BBS9: variants seen among roughly 807,000 people sequenced by gnomAD.
BBS9 encodes Bardet-Biedl syndrome 9, also known as protein PTHB1.
Under a neutral mutation model 117.7 loss-of-function variants are expected in BBS9, and 89 were observed. That is an observed-to-expected ratio of 0.76 (90% CI 0.64 to 0.90). The LOEUF is 0.90. Among genes scored for constraint, BBS9 ranks in the 40% least tolerant of loss-of-function variants. BBS9 has a pLI of 0.00. For missense variants in BBS9, 982 were observed against 1,042.2 expected (o/e 0.94, Z 0.80); for synonymous variants, 379 against 370.9 (o/e 1.02, Z -0.25).
chr7:33,212,724 CT>C (rs1356773721), intron 5 of BBS9, among the ~76,000 whole-genome samples: 2 of 152,194 alleles, frequency 1.3e-5, no homozygotes, highest in Admixed American at 1.3e-4. Context: ...GGGACTTCAG[CT>C]CCAAGCACAA....
rs573425450 is a variant in BBS9 at position 33,433,853 on chromosome 7, A to C, written c.2115+45709A>C. Among the ~76,000 whole-genome samples, 15 of 152,230 alleles carry C rather than the reference A, an allele frequency of 9.9e-5. No individual in the cohort carries two copies. The South Asian group carries it at 3.1e-3, about 32-fold the overall frequency. On this transcript the variant is annotated intron_variant, in intron 19 of 22. Coordinates refer to ENST00000242067, the MANE Select transcript of BBS9 (RefSeq NM_198428.3). The stretch of plus-strand genomic sequence containing the variant: ...AATGTGTAAAACTTAGAACTGTATA[A>C]GTAGGGAAATAAATTCATCTGTATT...
intron 21 of BBS9, among the ~76,000 whole-genome samples, chr7:33,620,604 G>GA (rs901959757): frequency 4.0e-5 from 6 of 151,866 alleles, no homozygotes; most frequent in African/African-American, 1.4e-4. Flanking sequence ...AAACACAAAT[G>GA]AAAAAATATC....
At chr7:33,468,146 A>G (rs1840455122) in intron 19 of BBS9, among the ~76,000 whole-genome samples, 1 of 152,140 alleles carries the variant, frequency 6.6e-6, no homozygotes, top group Non-Finnish European at 1.5e-5. Context: ...ATGAAAAGAG[A>G]GAGATCGGGG....
At chr7:33,520,783 G>A (rs1321076791) in intron 20 of BBS9, among the ~76,000 whole-genome samples, 2 of 152,180 alleles carry the variant, frequency 1.3e-5, no homozygotes, top group Non-Finnish European at 2.9e-5. Flanking sequence ...TAAACTCAGG[G>A]TTCGTCTTTC....
At chr7:33,131,372 A>G (rs1220884080) in intron 1 of BBS9, among the ~76,000 whole-genome samples, 3 of 152,234 alleles carry the variant, frequency 2.0e-5, no homozygotes, top group Non-Finnish European at 4.4e-5. Flanking sequence ...CGTGGTCAGA[A>G]AGTGCACCCA....
chr7:33,611,001 C>T (rs1217556563), downstream of BBS9, among the ~76,000 whole-genome samples: 2 of 152,040 alleles, frequency 1.3e-5, no homozygotes, highest in Admixed American at 6.6e-5. Context: ...TCTTGTATCT[C>T]AGTTGGCTGA....
intron 21 of BBS9, among the ~76,000 whole-genome samples, chr7:33,574,999 G>A (rs1481130665): frequency 2.0e-5 from 3 of 152,034 alleles, no homozygotes; most frequent in African/African-American, 7.2e-5. Context: ...TTATTCACAA[G>A]TGGGGCTTTT....
chr7:33,220,862 T>A (rs1481460056), intron 5 of BBS9, among the ~76,000 whole-genome samples: 2 of 152,264 alleles, frequency 1.3e-5, no homozygotes, highest in Non-Finnish European at 2.9e-5. Flanking sequence ...AAATTTCACT[T>A]GGCTAAGGAT....
At chr7:33,223,577 C>A (rs954851404) in intron 5 of BBS9, among the ~76,000 whole-genome samples, 1 of 152,196 alleles carries the variant, frequency 6.6e-6, no homozygotes, top group Non-Finnish European at 1.5e-5. Flanking sequence ...ATTACACCTA[C>A]CTTCCTCTCA....
intron 21 of BBS9, among the ~76,000 whole-genome samples, chr7:33,615,394 G>A (rs1270753764): frequency 6.6e-6 from 1 of 152,054 alleles, no homozygotes; most frequent in Non-Finnish European, 1.5e-5. Context: ...TAAACAGAGT[G>A]ATGAAAATTC....
At chr7:33,428,800 TTTAA>T (rs983559600) in intron 19 of BBS9, among the ~76,000 whole-genome samples, 3 of 152,202 alleles carry the variant, frequency 2.0e-5, no homozygotes, top group Admixed American at 2.0e-4. Flanking sequence ...TACATAATTG[TTTAA>T]TTAGCCTCTA....
intron 9 of BBS9, among the ~76,000 whole-genome samples, chr7:33,289,765 C>T (rs1002077694): frequency 2.0e-5 from 3 of 151,942 alleles, no homozygotes; most frequent in Admixed American, 6.6e-5. Context: ...TTCTTGGGGC[C>T]AGGTGTGGTG....
intron 5 of BBS9, among the ~76,000 whole-genome samples, chr7:33,241,085 C>T (rs1333117790): frequency 6.6e-6 from 1 of 151,414 alleles, no homozygotes; most frequent in Non-Finnish European, 1.5e-5. Context: ...TTTGACCTTA[C>T]TTAATGTAGC....
At chr7:33,390,546 C>A (rs932355126) in intron 19 of BBS9, 1 of 962,950 alleles carries the variant, frequency 1.0e-6, no homozygotes, top group African/African-American at 1.8e-5. Flanking sequence ...TTTTTATGTA[C>A]CTTGCCATTC....
intron 5 of BBS9, among the ~76,000 whole-genome samples, chr7:33,227,203 A>G (rs1231182559): frequency 6.6e-6 from 1 of 150,748 alleles, no homozygotes; most frequent in Non-Finnish European, 1.5e-5. Context: ...TCTGTTGCCC[A>G]GGCTGGAGTT....
chr7:33,230,594 C>G (rs1792170788), intron 5 of BBS9, among the ~76,000 whole-genome samples: 1 of 152,180 alleles, frequency 6.6e-6, no homozygotes, highest in African/African-American at 2.4e-5. Context: ...GCTTCTGAGT[C>G]TGCAATGTCT....
At chr7:33,484,140 ATTC>A (rs1313401760) in intron 19 of BBS9, among the ~76,000 whole-genome samples, 1 of 152,204 alleles carries the variant, frequency 6.6e-6, no homozygotes, top group Non-Finnish European at 1.5e-5. Flanking sequence ...GATCATTTTT[ATTC>A]TTCTCTTCCT....
At position 33,464,895 on chromosome 7, in the gene BBS9, G is replaced by A. The variant is rs116881781; in HGVS notation, c.2116-40568G>A. ...GGCTGGAGTACAGTGGTGTCATCAT[G>A]GCTCACTGCAGCCTTGATATCCTGG... On this transcript the variant is annotated intron_variant, in intron 19 of 22. Transcript: ENST00000242067. Among the ~76,000 whole-genome samples the A allele has an allele frequency of 0.018, 2,715 of 151,950 alleles. 198 individuals carry two copies. The East Asian group carries it at 0.26, about 15-fold the overall frequency.
chr7:33,364,545 CTGACTT>C (rs1239715556), intron 16 of BBS9, among the ~76,000 whole-genome samples: 2 of 151,770 alleles, frequency 1.3e-5, no homozygotes, highest in Middle Eastern at 3.2e-3. Context: ...TTCTAATAAT[CTGACTT>C]TGAGTTCACA....
Sources: gnomAD v4.1 joint callset for allele counts (sites outside exome capture counted in the v4.1 genomes callset) on GRCh38, gnomAD v4.1.1 for gene constraint, MANE v1.5 for transcripts, NCBI Gene and HGNC (gene_info 2026-07-23, HGNC 2026-07-21) for gene names.